The following PTPRK variants were observed in gnomAD, a reference collection of about 807,000 sequenced individuals.
PTPRK encodes receptor-type tyrosine-protein phosphatase kappa.
In PTPRK, 75 loss-of-function variants were observed where a neutral mutation model predicts 178.0. The observed-to-expected ratio is 0.42, with a 90% confidence interval of 0.35 to 0.51. The LOEUF (loss-of-function observed/expected upper bound fraction) is 0.51. Among genes scored for constraint, PTPRK ranks in the 20% least tolerant of loss-of-function variants. PTPRK has a pLI of 0.02. For missense variants in PTPRK, 1,441 were observed against 1,797.8 expected, an observed-to-expected ratio of 0.80 and a Z score of 3.59; for synonymous variants, 637 against 620.6, an observed-to-expected ratio of 1.03 and a Z score of -0.39.
chr6:128,513,050 C>G (rs1190602820), intron 1 of PTPRK, among the ~76,000 whole-genome samples: 2 of 152,004 alleles, frequency 1.3e-5, no homozygotes, highest in Non-Finnish European at 2.9e-5. Flanking sequence ...TATTCATAAC[C>G]AAAACTAGTC....
intron 3 of PTPRK, among the ~76,000 whole-genome samples, chr6:128,256,777 C>A (rs1390920735): frequency 5.3e-5 from 8 of 150,644 alleles, no homozygotes; most frequent in Admixed American, 5.3e-4. Context: ...GACAATGATT[C>A]AAAAAAAAGA....
intron 7 of PTPRK, among the ~76,000 whole-genome samples, chr6:128,146,625 G>C (rs1396002848): frequency 6.6e-6 from 1 of 151,888 alleles, no homozygotes; most frequent in African/African-American, 2.4e-5. Flanking sequence ...TGTAGTTTTA[G>C]TAGACATGGG....
At chr6:127,989,764 T>C (rs549759273) in intron 21 of PTPRK, among the ~76,000 whole-genome samples, 1 of 152,118 alleles carries the variant, frequency 6.6e-6, no homozygotes, top group African/African-American at 2.4e-5. Flanking sequence ...TACACTAGGT[T>C]AAACATTTTT....
chr6:128,034,047 C>T (rs1775796676), intron 13 of PTPRK, among the ~76,000 whole-genome samples: 1 of 152,146 alleles, frequency 6.6e-6, no homozygotes, highest in Non-Finnish European at 1.5e-5. Flanking sequence ...ACACTTAGGA[C>T]CATCTTCTTG....
intron 1 of PTPRK, among the ~76,000 whole-genome samples, chr6:128,418,790 TTTAAGTGTTGC>T (rs2128385225): frequency 6.6e-6 from 1 of 152,292 alleles, no homozygotes; most frequent in East Asian, 1.9e-4. Context: ...TCTGCCAAAT[TTTAAGTGTTGC>T]TTAGGGTGTC....
chr6:128,502,522 T>C (rs561114446), intron 1 of PTPRK, among the ~76,000 whole-genome samples: 1 of 152,246 alleles, frequency 6.6e-6, no homozygotes, highest in South Asian at 2.1e-4. Context: ...TTAAAGAGGA[T>C]TATCTCACTG....
At chr6:128,395,700 T>C (rs1215058504) in intron 2 of PTPRK, among the ~76,000 whole-genome samples, 1 of 151,370 alleles carries the variant, frequency 6.6e-6, no homozygotes, top group African/African-American at 2.4e-5. Flanking sequence ...AAAGAAAAAA[T>C]ACAAATCTAC....
intron 25 of PTPRK, among the ~76,000 whole-genome samples, chr6:127,980,098 G>T (rs760362861): frequency 5.9e-5 from 9 of 152,156 alleles, no homozygotes; most frequent in Admixed American, 2.0e-4. Context: ...ATCACCTGAG[G>T]TCAGGAGTTC....
chr6:128,170,858 G>A (rs10457506), intron 7 of PTPRK, among the ~76,000 whole-genome samples: 7,298 of 150,714 alleles, frequency 0.048, 240 homozygotes, highest in Non-Finnish European at 0.072. Flanking sequence ...TAGTGTTATA[G>A]ATATTGCAAA....
At chr6:128,144,791 G>T (rs1583206783) in intron 7 of PTPRK, among the ~76,000 whole-genome samples, 1 of 152,142 alleles carries the variant, frequency 6.6e-6, no homozygotes, top group East Asian at 1.9e-4. Context: ...TGCATATATT[G>T]CACCAAAAAT....
At chr6:128,488,241 A>T (rs1053108406) in intron 1 of PTPRK, among the ~76,000 whole-genome samples, 2 of 152,162 alleles carry the variant, frequency 1.3e-5, no homozygotes, top group Admixed American at 6.5e-5. Flanking sequence ...AAGGCCAGAA[A>T]ATTCAGCAAC....
At chr6:128,284,431 A>G (rs1003235677) in intron 3 of PTPRK, among the ~76,000 whole-genome samples, 2 of 152,204 alleles carry the variant, frequency 1.3e-5, no homozygotes, top group African/African-American at 2.4e-5. Context: ...GTTTATAGAT[A>G]CTGACCCATG....
rs1411981481 is a variant in PTPRK, at chr6:127,998,818, T to C, written c.2581A>G (p.Thr861Ala). The change falls in exon 16 of 30, where the codon ACA becomes GCA. Residue 861 changes from threonine (T) to alanine (A), a missense_variant. By Grantham distance (58) the Thr-to-Ala change is moderately conservative (BLOSUM62 0). This residue lies in a region of PTPRK where 945 missense variants were observed against 1,080.6 expected (regional missense o/e 0.87). Coordinates refer to ENST00000368226, the MANE Select transcript of PTPRK (RefSeq NM_002844.4). ...LCEGTESPYQ[T>A]GQLHPAIRVA... ...CTGATGGCTGGATGCAGCTGTCCTG[T>C]CTGGTAAGGGGATTCCGTCCCCTCA... 1 of 1,610,846 alleles carries C rather than the reference T, an allele frequency of 6.2e-7. No individual in the cohort carries two copies. Among genetic ancestry groups the C allele is most frequent in the East Asian group, 2.2e-5 (1 of 44,732 alleles).
chr6:128,268,516 T>C (rs1244968987), intron 3 of PTPRK, among the ~76,000 whole-genome samples: 1 of 152,030 alleles, frequency 6.6e-6, no homozygotes, highest in Non-Finnish European at 1.5e-5. Flanking sequence ...GGGGTCCTTA[T>C]TCAGAAAGAC....
chr6:128,176,391 G>A (rs1293802750), intron 7 of PTPRK, among the ~76,000 whole-genome samples: 1 of 151,768 alleles, frequency 6.6e-6, no homozygotes, highest in Admixed American at 6.6e-5. Context: ...CATAGCCAAA[G>A]AATGAAAGAT....
intron 2 of PTPRK, among the ~76,000 whole-genome samples, chr6:128,371,153 A>C (rs1042112247): frequency 3.3e-5 from 5 of 152,188 alleles, no homozygotes; most frequent in Admixed American, 6.6e-5. Context: ...TCAGCAAAAA[A>C]ACTCAAAAAA....
At chr6:128,238,102 A>AT in intron 5 of PTPRK, 1 of 449,968 alleles carries the variant, frequency 2.2e-6, no homozygotes, top group African/African-American at 2.0e-5. Context: ...ATTAAGGTGA[A>AT]TATGCACACT....
chr6:128,213,132 A>T (rs138727571), intron 6 of PTPRK, among the ~76,000 whole-genome samples: 4 of 152,186 alleles, frequency 2.6e-5, no homozygotes, highest in African/African-American at 9.6e-5. Flanking sequence ...TATATGAACA[A>T]TTCAAATGAG....
chr6:128,191,898 G>A (rs972679804), intron 6 of PTPRK, among the ~76,000 whole-genome samples: 1 of 151,858 alleles, frequency 6.6e-6, no homozygotes, highest in Admixed American at 6.6e-5. Context: ...TTTTGAGGAG[G>A]AGAGTGCAAG....
Sources: allele counts gnomAD v4.1 joint callset (sites outside exome capture counted in the v4.1 genomes callset), GRCh38; gene constraint gnomAD v4.1.1; regional missense constraint gnomAD v4.1.1; transcripts MANE v1.5; gene names NCBI Gene and HGNC (gene_info 2026-07-23, HGNC 2026-07-21).